ANK3: variants seen among roughly 807,000 people sequenced by gnomAD.
The protein encoded by ANK3 is ankyrin 3, also known as ankyrin-3.
A neutral mutation model predicts 370.9 loss-of-function variants in ANK3; 57 were observed. The ratio of observed to expected loss-of-function variants is 0.15; its 90% CI spans 0.12 to 0.19. The LOEUF is 0.19. ANK3 is among the 10% of genes least tolerant of loss of function. The pLI is 1.00. For missense variants in ANK3, 4,439 were observed against 5,302.1 expected, an observed-to-expected ratio of 0.84 and a Z score of 5.06; for synonymous variants, 1,929 against 1,946.3, an observed-to-expected ratio of 0.99 and a Z score of 0.23.
chr10:60,568,304 C>A (rs2077510647), intron 2 of ANK3, among the ~76,000 whole-genome samples: 1 of 152,164 alleles, frequency 6.6e-6, no homozygotes, highest in South Asian at 2.1e-4. Context: ...CACCATCCAT[C>A]AATAGCCACT....
intron 18 of ANK3, among the ~76,000 whole-genome samples, chr10:60,180,364 G>A (rs1164543347): frequency 0.015 from 2,050 of 135,586 alleles, no homozygotes; most frequent in Non-Finnish European, 0.016. Flanking sequence ...TTGGGAGGCC[G>A]AGGCATGTGG....
intron 28 of ANK3, among the ~76,000 whole-genome samples, chr10:60,095,936 G>T (rs2090029274): frequency 1.3e-5 from 2 of 152,116 alleles, no homozygotes; most frequent in Admixed American, 6.6e-5. Context: ...CATTTTGGAA[G>T]GCTGGGGTGG....
Position 60,049,834 on chromosome 10 carries a change from T to A in ANK3, c.13065+5824A>T, listed in dbSNP as rs142830827. On this transcript the variant is annotated intron_variant, in intron 42 of 43. Coordinates refer to ENST00000280772, the MANE Select transcript of ANK3 (RefSeq NM_020987.5). The stretch of plus-strand genomic sequence containing the variant: ...TTATTGATTTGAGAGGTTTTGAAGT[T>A]ATTGTTTTTGTTTTCTCAGAGAAAA... Among the ~76,000 whole-genome samples, 14 of 152,326 alleles carry A rather than the reference T, an allele frequency of 9.2e-5. No individual in the cohort carries two copies. In the East Asian group the frequency reaches 2.5e-3, roughly 27 times the overall value.
Position 60,326,748 on chromosome 10 carries a change from G to A in ANK3, c.115-47109C>T, listed in dbSNP as rs540881003. Among the ~76,000 whole-genome samples, 6 of 152,198 alleles carry A rather than the reference G, an allele frequency of 3.9e-5. No homozygotes were observed. The East Asian group carries it at 5.8e-4, about 15-fold the overall frequency. On this transcript the variant is annotated intron_variant, in intron 1 of 43. Transcript: ENST00000280772. The stretch of plus-strand genomic sequence containing the variant: ...TTAAAAAGTGAGCTCCCGACCGGGC[G>A]CGTTGACTCATGCCTGTAATCCCAG...
At chr10:60,269,657 CCA>C (rs1491570503) in intron 5 of ANK3, among the ~76,000 whole-genome samples, 1 of 141,814 alleles carries the variant, frequency 7.1e-6, no homozygotes, top group Admixed American at 7.0e-5. Context: ...CTCCCCCCCC[CCA>C]AAAAAAGTAC....
intron 1 of ANK3, among the ~76,000 whole-genome samples, chr10:60,628,552 C>T (rs1319871634): frequency 2.6e-5 from 4 of 152,092 alleles, no homozygotes; most frequent in African/African-American, 9.7e-5. Context: ...TTTACATGTC[C>T]CACGGGAAAC....
At chr10:60,411,484 T>G (rs1311523792) in intron 2 of ANK3, among the ~76,000 whole-genome samples, 3 of 152,146 alleles carry the variant, frequency 2.0e-5, no homozygotes, top group African/African-American at 7.2e-5. Context: ...ATAGAGCAGG[T>G]CTGGGGAGAA....
At chr10:60,338,770 TC>T (rs1320180961) in intron 1 of ANK3, among the ~76,000 whole-genome samples, 1 of 152,190 alleles carries the variant, frequency 6.6e-6, no homozygotes, top group Non-Finnish European at 1.5e-5. Flanking sequence ...TTTAAACACT[TC>T]CTAGAATCTT....
At chr10:60,077,195 AC>A (rs2084034965) in intron 36 of ANK3, among the ~76,000 whole-genome samples, 2 of 152,202 alleles carry the variant, frequency 1.3e-5, no homozygotes. Flanking sequence ...AGAATTTTAA[AC>A]AAAAAAAACA....
intron 18 of ANK3, 57 bp downstream of exon 18, chr10:60,181,272 T>TGG: frequency 7.2e-7 from 1 of 1,388,848 alleles, no homozygotes; most frequent in Non-Finnish European, 1.0e-6. Context: ...GTTTCTTCCT[T>TGG]ACTGCAGTCA....
intron 25 of ANK3, among the ~76,000 whole-genome samples, chr10:60,132,901 C>T (rs917947384): frequency 1.3e-5 from 2 of 152,120 alleles, no homozygotes; most frequent in Non-Finnish European, 2.9e-5. Context: ...CAGGTGTGAC[C>T]CACCATGCCC....
At chr10:60,439,668 G>C (rs894824202) in intron 2 of ANK3, among the ~76,000 whole-genome samples, 12 of 152,198 alleles carry the variant, frequency 7.9e-5, no homozygotes, top group Non-Finnish European at 1.6e-4. Context: ...GCAAACACTA[G>C]ATGGAGGTGG....
intron 43 of ANK3, among the ~76,000 whole-genome samples, chr10:60,032,895 A>C (rs1564510089): frequency 6.6e-6 from 1 of 152,242 alleles, no homozygotes; most frequent in Non-Finnish European, 1.5e-5. Context: ...AAAAAGCATG[A>C]GAACCTTGGC....
At chr10:60,179,822 T>C (rs2096096396) in intron 18 of ANK3, among the ~76,000 whole-genome samples, 1 of 152,156 alleles carries the variant, frequency 6.6e-6, no homozygotes, top group Non-Finnish European at 1.5e-5. Context: ...ACAGTACTTG[T>C]TTCTCTCCTC....
At chr10:60,055,539 C>T (rs928641207) in intron 42 of ANK3, 119 bp downstream of exon 42, 8 of 1,305,950 alleles carry the variant, frequency 6.1e-6, no homozygotes, top group Middle Eastern at 2.8e-4. Flanking sequence ...CAATTTCACA[C>T]ATTTATAATT....
chr10:60,231,398 C>T (rs2097242301), intron 8 of ANK3, among the ~76,000 whole-genome samples: 1 of 152,164 alleles, frequency 6.6e-6, no homozygotes, highest in Admixed American at 6.5e-5. Flanking sequence ...GTGATGCTTT[C>T]CTGCCTCTAA....
chr10:60,445,784 C>T (rs1199813591), intron 2 of ANK3, among the ~76,000 whole-genome samples: 1 of 152,154 alleles, frequency 6.6e-6, no homozygotes, highest in Non-Finnish European at 1.5e-5. Flanking sequence ...TTTTAAGGGG[C>T]TGCTGCAGAA....
chr10:60,259,187 G>C (rs1175312413), intron 7 of ANK3, among the ~76,000 whole-genome samples: 3 of 152,198 alleles, frequency 2.0e-5, no homozygotes, highest in Admixed American at 2.0e-4. Context: ...ACAGATGTGG[G>C]ACCTCAAATG....
intron 43 of ANK3, among the ~76,000 whole-genome samples, chr10:60,041,772 CTTAG>C (rs1386190711): frequency 2.6e-5 from 4 of 152,262 alleles, no homozygotes; most frequent in Non-Finnish European, 4.4e-5. Context: ...TTACCTGGGC[CTTAG>C]TTAGCTCACA....
Sources: allele counts gnomAD v4.1 joint callset (sites outside exome capture counted in the v4.1 genomes callset), GRCh38; gene constraint gnomAD v4.1.1; transcripts MANE v1.5; gene names NCBI Gene and HGNC (gene_info 2026-07-23, HGNC 2026-07-21).